The following RNF212B variants were observed in gnomAD, a reference collection of about 807,000 sequenced individuals.
RNF212B encodes E3 ubiquitin-protein ligase RNF212B.
RNF212B carries 52 observed loss-of-function variants against 55.5 expected under a neutral mutation model. The observed-to-expected ratio is 0.94, with a 90% CI of 0.75 to 1.18. The LOEUF (loss-of-function observed/expected upper bound fraction) is 1.18. RNF212B is among the 50% of genes most tolerant of loss of function. The pLI is 0.00. For synonymous variants in RNF212B, 99 were observed against 121.4 expected (o/e 0.82, Z 1.21); for missense variants, 289 against 350.4 (o/e 0.82, Z 1.40).
At chr14:23,188,822 T>G (rs565584985) in intron 1 of RNF212B, among the ~76,000 whole-genome samples, 11 of 152,280 alleles carry the variant, frequency 7.2e-5, no homozygotes, top group Admixed American at 5.2e-4. Context: ...AGACCTGCTT[T>G]GCTCACTGCT....
At chr14:23,242,280 G>A (rs1038138851) in intron 2 of RNF212B, among the ~76,000 whole-genome samples, 2 of 152,002 alleles carry the variant, frequency 1.3e-5, no homozygotes, top group African/African-American at 2.4e-5. Context: ...GTTTGTCTCC[G>A]TGAAGCATAT....
At chr14:23,267,208 C>T (rs1885769273) in intron 11 of RNF212B, among the ~76,000 whole-genome samples, 2 of 152,048 alleles carry the variant, frequency 1.3e-5, no homozygotes, top group South Asian at 4.2e-4. Context: ...TCTCGAACTC[C>T]TGGGCTCAAG....
intron 11 of RNF212B, among the ~76,000 whole-genome samples, chr14:23,267,088 C>G (rs996461629): frequency 2.6e-5 from 4 of 152,152 alleles, no homozygotes; most frequent in African/African-American, 9.7e-5. Flanking sequence ...CCCACTTCAG[C>G]CTCCTGAGTA....
At chr14:23,233,562 C>CAAAAAAAAA (rs35654046), upstream of RNF212B, among the ~76,000 whole-genome samples, 50 of 58,314 alleles carry the variant, frequency 8.6e-4, no homozygotes, top group East Asian at 2.3e-3. Context: ...CCCATCTCTA[C>CAAAAAAAAA]AAAAAAAAAA....
At chr14:23,186,508 C>T (rs535717509) in intron 1 of RNF212B, among the ~76,000 whole-genome samples, 1 of 152,188 alleles carries the variant, frequency 6.6e-6, no homozygotes, top group East Asian at 1.9e-4. Flanking sequence ...TGCCACCATG[C>T]CTGGCTAATT....
At chr14:23,189,279 A>T (rs942614252) in intron 1 of RNF212B, among the ~76,000 whole-genome samples, 1 of 152,184 alleles carries the variant, frequency 6.6e-6, no homozygotes, top group Non-Finnish European at 1.5e-5. Flanking sequence ...TAAATCTGTC[A>T]ATCTACCTGC....
intron 2 of RNF212B, among the ~76,000 whole-genome samples, chr14:23,194,746 A>AAC (rs1555308710): frequency 6.6e-6 from 1 of 151,326 alleles, no homozygotes; most frequent in Non-Finnish European, 1.5e-5. Context: ...AAAAAAAAAA[A>AAC]AAAAAAAAAA....
At chr14:23,207,655 A>G (rs995383101) in intron 2 of RNF212B, among the ~76,000 whole-genome samples, 1 of 152,228 alleles carries the variant, frequency 6.6e-6, no homozygotes, top group African/African-American at 2.4e-5. Flanking sequence ...AACTCCACTC[A>G]GAATCCTCCC....
At chr14:23,212,576 A>G (rs748989337) in intron 2 of RNF212B, among the ~76,000 whole-genome samples, 6 of 151,698 alleles carry the variant, frequency 4.0e-5, no homozygotes, top group African/African-American at 7.2e-5. Context: ...ATTTTATTTT[A>G]TTTATTTATT....
upstream of RNF212B, among the ~76,000 whole-genome samples, chr14:23,236,616 T>TA (rs1163767228): frequency 6.6e-6 from 1 of 152,174 alleles, no homozygotes; most frequent in Non-Finnish European, 1.5e-5. Context: ...AAATAATATT[T>TA]AAAAATTTCA....
At chr14:23,209,048 G>A (rs757718520) in intron 2 of RNF212B, among the ~76,000 whole-genome samples, 17 of 152,152 alleles carry the variant, frequency 1.1e-4, no homozygotes, top group South Asian at 4.1e-4. Flanking sequence ...GTGAGCCACC[G>A]TGCCCGGCCT....
intron 2 of RNF212B, among the ~76,000 whole-genome samples, chr14:23,204,305 C>T (rs1045223765): frequency 6.6e-6 from 1 of 152,122 alleles, no homozygotes; most frequent in African/African-American, 2.4e-5. Flanking sequence ...TTGCCTAAGC[C>T]AATGTCTAGA....
At chr14:23,258,685 C>T (rs1566435502) in intron 5 of RNF212B, 21 bp downstream of exon 5, 5 of 1,083,856 alleles carry the variant, frequency 4.6e-6, no homozygotes, top group Non-Finnish European at 6.4e-6. Context: ...AATCAAGTCC[C>T]AAGAGAGCTT....
chr14:23,228,051 A>G lies in RNF212B; in HGVS notation c.-1-12294A>G, dbSNP rs1882197038. 2.0e-5 allele frequency among the ~76,000 whole-genome samples: 3 copies of G among 151,208 alleles called. No individual in the cohort carries two copies. The South Asian group carries it at 6.3e-4, about 32-fold the overall frequency. On this transcript the variant is annotated intron_variant, in intron 2 of 15. Transcript: ENST00000399910. ...TTCAAGACCAGCCTGACCAACATGG[A>G]GAAACCTCGTCTCTACTAAAAATAC...
upstream of RNF212B, among the ~76,000 whole-genome samples, chr14:23,235,341 C>T (rs1282974926): frequency 5.3e-5 from 8 of 152,172 alleles, no homozygotes; most frequent in East Asian, 7.7e-4. Context: ...CAGAGGGAGA[C>T]GCCCATCTCT....
At chr14:23,263,753 CA>C (rs921276265) in intron 9 of RNF212B, among the ~76,000 whole-genome samples, 1 of 151,796 alleles carries the variant, frequency 6.6e-6, no homozygotes, top group South Asian at 2.1e-4. Context: ...CCCCTTCCCC[CA>C]AAAAAAACGA....
At chr14:23,252,126 C>T (rs1380846674) in intron 4 of RNF212B, among the ~76,000 whole-genome samples, 1 of 152,080 alleles carries the variant, frequency 6.6e-6, no homozygotes, top group Admixed American at 6.6e-5. Context: ...GACCCCAACC[C>T]TCTAAACAGT....
At chr14:23,214,259 C>T (rs1024784274) in intron 2 of RNF212B, among the ~76,000 whole-genome samples, 3 of 152,056 alleles carry the variant, frequency 2.0e-5, no homozygotes, top group African/African-American at 7.2e-5. Flanking sequence ...TTTGGGAGGC[C>T]AAGGCAGGTG....
intron 2 of RNF212B, among the ~76,000 whole-genome samples, chr14:23,205,924 G>T (rs574826601): frequency 1.3e-5 from 2 of 152,218 alleles, no homozygotes; most frequent in East Asian, 3.9e-4. Flanking sequence ...ACATTATTTG[G>T]CAGGGTAAGT....
Sources: gnomAD v4.1 joint callset for allele counts (sites outside exome capture counted in the v4.1 genomes callset) on GRCh38, gnomAD v4.1.1 for gene constraint, MANE v1.5 for transcripts, NCBI Gene and HGNC (gene_info 2026-07-23, HGNC 2026-07-21) for gene names.